Variants in OGA observed in about 807,000 individuals in gnomAD.
The protein encoded by OGA is O-GlcNAcase.
OGA carries 21 observed loss-of-function variants against 102.0 expected under a neutral mutation model. The ratio of observed to expected loss-of-function variants is 0.21; its 90% CI spans 0.15 to 0.30. The LOEUF is 0.30. Ranked by LOEUF, OGA falls within the 10% of genes least tolerant of loss-of-function variation. The probability of loss-of-function intolerance (pLI) is 1.00; values close to 1 mark genes in which losing one functional copy is unlikely to be tolerated. For missense variants in OGA, 765 were observed against 1,107.8 expected (o/e 0.69, Z 4.39); for synonymous variants, 408 against 378.2 (o/e 1.08, Z -0.91).
intron 1 of OGA, among the ~76,000 whole-genome samples, chr10:101,817,615 T>C (rs1317971662): frequency 6.6e-6 from 1 of 152,076 alleles, no homozygotes; most frequent in African/African-American, 2.4e-5. Context: ...GGGGTCAGAC[T>C]TGTGAGTGGC....
At chr10:101,798,740 A>C in intron 9 of OGA, 102 bp downstream of exon 9, 1 of 1,384,536 alleles carries the variant, frequency 7.2e-7, no homozygotes. Flanking sequence ...AAACATGGTC[A>C]ATTTTCTGTC....
chr10:101,800,428 A>C (rs1454065634), intron 7 of OGA, 28 bp from the exon 8 acceptor site: 1 of 1,587,280 alleles, frequency 6.3e-7, no homozygotes, highest in Non-Finnish European at 8.6e-7. Flanking sequence ...AAAAAGCACA[A>C]AAATAGTTTT....
chr10:101,811,065 T>C (rs931599067), intron 3 of OGA, among the ~76,000 whole-genome samples: 1 of 151,852 alleles, frequency 6.6e-6, no homozygotes, highest in Non-Finnish European at 1.5e-5. Flanking sequence ...ATAACTACTT[T>C]ATAATATGAA....
intron 3 of OGA, among the ~76,000 whole-genome samples, chr10:101,811,362 C>A (rs71471215): frequency 1.5e-5 from 2 of 132,960 alleles, no homozygotes; most frequent in Admixed American, 8.9e-5. Context: ...GCACCCCAGT[C>A]TGGACGACAC....
intron 6 of OGA, among the ~76,000 whole-genome samples, chr10:101,804,344 C>A (rs1347699503): frequency 6.9e-6 from 1 of 145,216 alleles, no homozygotes; most frequent in Non-Finnish European, 1.5e-5. Flanking sequence ...GTGATCTCGG[C>A]TCACTGTAAG....
intron 3 of OGA, among the ~76,000 whole-genome samples, chr10:101,812,112 G>A (rs1481281513): frequency 1.3e-5 from 2 of 152,258 alleles, no homozygotes; most frequent in East Asian, 1.9e-4. Flanking sequence ...AGCTATATGC[G>A]TATACCATTT....
intron 13 of OGA, 97 bp from the exon 14 acceptor site, chr10:101,791,185 C>G (rs931468806): frequency 2.2e-5 from 29 of 1,336,230 alleles, no homozygotes; most frequent in Non-Finnish European, 2.1e-6. Context: ...CATGAACTTA[C>G]GGAACCTACA....
At chr10:101,802,969 T>C (rs1485511864) in intron 7 of OGA, among the ~76,000 whole-genome samples, 3 of 131,740 alleles carry the variant, frequency 2.3e-5, no homozygotes, top group Non-Finnish European at 4.8e-5. Flanking sequence ...TGAAACCCTG[T>C]CTCTACTTTA....
rs2065669566 is a variant in OGA at position 101,818,270 on chromosome 10, A to G, written c.-248T>C. The stretch of plus-strand genomic sequence containing the variant: ...CTTTAAGCTGGGGCGCCAGAAGCCT[A>G]AGCGGAGAGCGAGGCTGTGACCTCT... On this transcript the variant is annotated 5_prime_UTR_variant, in exon 1 of 16. Transcript: ENST00000361464. The G allele has an allele frequency of 1.5e-6, 2 of 1,293,588 alleles. No individual in the cohort carries two copies. The highest frequency in any genetic ancestry group is 2.0e-6 in the Non-Finnish European group (2 of 1,020,586). The allele number at this position is 1,293,588 out of a possible 1,614,324, so 80.1% of individuals were successfully genotyped here. A position where few individuals can be genotyped will look rare whatever the true frequency, so the allele number is the denominator to read the frequency against.
At chr10:101,786,737 AT>A (rs1326034550) in intron 15 of OGA, 150 bp from the exon 16 acceptor site, 4 of 676,700 alleles carry the variant, frequency 5.9e-6, no homozygotes, top group Non-Finnish European at 8.7e-6. Flanking sequence ...AAAAATTCAT[AT>A]TCAAAAAATT....
chr10:101,811,609 G>A (rs1348815243), intron 3 of OGA, among the ~76,000 whole-genome samples: 1 of 151,676 alleles, frequency 6.6e-6, no homozygotes, highest in Non-Finnish European at 1.5e-5. Flanking sequence ...GGACTGAGGC[G>A]GGAGGATTGC....
rs67433227 is a variant in OGA at position 101,811,406 on chromosome 10, G to GAAAAAAAAAAAAA, written c.350-1105_350-1093dup. On this transcript the variant is annotated intron_variant, in intron 3 of 15. Transcript: ENST00000361464. ...TCCATCTCAAAAAATGAAAAAAAATGAAAAAAAAAAAAAAAAAAAAAAAAA... is the reference window on the plus strand; with the variant it reads ...TCCATCTCAAAAAATGAAAAAAAATGAAAAAAAAAAAAAAAAAAAAAAAAAAAAAAAAAAAAAA... Among the ~76,000 whole-genome samples the GAAAAAAAAAAAAA allele has an allele frequency of 1.0e-3, 46 of 45,706 alleles. 1 individual carries two copies. Among genetic ancestry groups the GAAAAAAAAAAAAA allele is most frequent in the Non-Finnish European group, 1.3e-3 (34 of 26,940 alleles). 30.0% of individuals were successfully genotyped at this position (45,706 alleles called of 152,430 possible). A position where few individuals can be genotyped will look rare whatever the true frequency, so the allele number is the denominator to read the frequency against.
At position 101,803,994 on chromosome 10, in the gene OGA, A is replaced by G. The variant is rs1307247035; in HGVS notation, c.777T>C (p.Ile259=). 34 of 1,610,172 alleles carry G rather than the reference A, an allele frequency of 2.1e-5. No individual in the cohort carries two copies. Among genetic ancestry groups the G allele is most frequent in the Non-Finnish European group, 2.8e-5 (33 of 1,177,962 alleles). ...AAACCTCTTCGATGGACTCTACTGG[A>G]ATTTCTTTAGAAACAACTTTGGGAC... The part of the protein sequence containing the change: ...WTGPKVVSKE[I]PVESIEEVSK... The change falls in exon 7 of 16, where the codon ATT becomes ATC. Residue 259 remains isoleucine (I), a synonymous_variant. Coordinates refer to ENST00000361464, the MANE Select transcript of OGA (RefSeq NM_012215.5).
At chr10:101,793,733 C>A in intron 11 of OGA, 180 bp downstream of exon 11, 1 of 532,744 alleles carries the variant, frequency 1.9e-6, no homozygotes, top group South Asian at 2.0e-5. Flanking sequence ...GCAGCATCTC[C>A]TTCAGAAATT....
At chr10:101,795,643 C>A (rs1002360245) in intron 10 of OGA, among the ~76,000 whole-genome samples, 1 of 152,172 alleles carries the variant, frequency 6.6e-6, no homozygotes, top group Admixed American at 6.5e-5. Flanking sequence ...CAAGAAAATA[C>A]TCTCCCTGTC....
chr10:101,808,943 C>G (rs1480284530), intron 4 of OGA, among the ~76,000 whole-genome samples: 1 of 151,850 alleles, frequency 6.6e-6, no homozygotes, highest in African/African-American at 2.4e-5. Context: ...GCACTCCAGC[C>G]TGGGCGACAG....
At chr10:101,791,521 G>A in intron 12 of OGA, 82 bp from the exon 13 acceptor site, 1 of 1,113,096 alleles carries the variant, frequency 9.0e-7, no homozygotes, top group South Asian at 1.3e-5. Context: ...TCAGTCTGGG[G>A]AGGGAGTAAC....
chr10:101,809,561 T>G (rs911331919), intron 4 of OGA, among the ~76,000 whole-genome samples: 1 of 150,118 alleles, frequency 6.7e-6, no homozygotes, highest in Non-Finnish European at 1.5e-5. Flanking sequence ...ACTAAAAATA[T>G]AAAAATTAGC....
intron 7 of OGA, among the ~76,000 whole-genome samples, chr10:101,801,928 C>T (rs2065398188): frequency 1.3e-5 from 2 of 152,156 alleles, no homozygotes; most frequent in African/African-American, 4.8e-5. Context: ...AGGCAGATCA[C>T]CAGGTCAGGA....
Sources: allele counts gnomAD v4.1 joint callset (sites outside exome capture counted in the v4.1 genomes callset), GRCh38; gene constraint gnomAD v4.1.1; transcripts MANE v1.5; gene names NCBI Gene and HGNC (gene_info 2026-07-23, HGNC 2026-07-21).